ZNF667: variants seen among roughly 807,000 people sequenced by gnomAD.
ZNF667 encodes myocardial ischemic preconditioning upregulated 1 ortholog.
A neutral mutation model predicts 31.8 loss-of-function variants in ZNF667; 13 were observed. The ratio of observed to expected loss-of-function variants is 0.41; its 90% confidence interval spans 0.27 to 0.65. The LOEUF is 0.65. Ranked by LOEUF, ZNF667 falls within the 30% of genes least tolerant of loss-of-function variation. The probability of loss-of-function intolerance (pLI) is 0.32; values close to 1 mark genes in which losing one functional copy is unlikely to be tolerated. For synonymous variants in ZNF667, 228 were observed against 247.1 expected (o/e 0.92, Z 0.73); for missense variants, 642 against 725.6 (o/e 0.88, Z 1.32).
intron 6 of ZNF667, among the ~76,000 whole-genome samples, chr19:56,457,145 A>C (rs984678552): frequency 6.6e-6 from 1 of 152,174 alleles, no homozygotes; most frequent in African/African-American, 2.4e-5. Context: ...AAAATATATA[A>C]CTTGGCCAAC....
chr19:56,451,302 A>G (rs1441967187), intron 6 of ZNF667, among the ~76,000 whole-genome samples: 1 of 152,160 alleles, frequency 6.6e-6, no homozygotes, highest in Non-Finnish European at 1.5e-5. Flanking sequence ...CACACCCAAC[A>G]ATGGAGCACC....
chr19:56,462,030 T>C (rs562045660), intron 4 of ZNF667, among the ~76,000 whole-genome samples: 26 of 152,344 alleles, frequency 1.7e-4, no homozygotes, highest in African/African-American at 6.0e-4. Flanking sequence ...GTGGCTCTCA[T>C]CTTCCTCCAC....
intron 4 of ZNF667, 109 bp downstream of exon 4, chr19:56,462,229 G>T: frequency 7.2e-7 from 1 of 1,390,906 alleles, no homozygotes; most frequent in Non-Finnish European, 1.0e-6. Context: ...AAGACTAGGT[G>T]TTGGATGGAT....
upstream of ZNF667, chr19:56,477,427 C>G (rs532735445): frequency 2.6e-5 from 4 of 152,262 alleles, no homozygotes; most frequent in South Asian, 6.2e-4. Context: ...CGCCCCCAAA[C>G]AAGGCCACGC....
At chr19:56,467,328 T>C (rs2043185134) in intron 3 of ZNF667, among the ~76,000 whole-genome samples, 2 of 152,120 alleles carry the variant, frequency 1.3e-5, no homozygotes, top group Admixed American at 1.3e-4. Context: ...AAAAGGAACT[T>C]TGCAGATGTG....
chr19:56,473,925 A>G (rs2043346875), intron 2 of ZNF667, 87 bp downstream of exon 2: 1 of 152,332 alleles, frequency 6.6e-6, no homozygotes, highest in East Asian at 1.9e-4. Flanking sequence ...GAAAAATCCA[A>G]AACCCGCTTT....
intron 3 of ZNF667, chr19:56,468,805 C>T (rs1275232493): frequency 1.3e-5 from 2 of 152,180 alleles, no homozygotes; most frequent in African/African-American, 2.4e-5. Context: ...TTACAAAGGT[C>T]CTCTTTATAA....
intron 1 of ZNF667, chr19:56,474,433 C>T (rs765676940): frequency 1.3e-5 from 2 of 152,268 alleles, no homozygotes; most frequent in Admixed American, 6.5e-5. Flanking sequence ...TCTCCAAAGA[C>T]GTCAGCACAG....
chr19:56,442,779 C>T (rs2042642782), intron 6 of ZNF667, 38 bp from the exon 7 acceptor site: 2 of 1,487,184 alleles, frequency 1.3e-6, no homozygotes, highest in African/African-American at 2.8e-5. Context: ...TCTCCTTTTC[C>T]ATGCTGAAAA....
At chr19:56,469,981 TC>T (rs2043253040) in intron 3 of ZNF667, 1 of 477,242 alleles carries the variant, frequency 2.1e-6, no homozygotes, top group Non-Finnish European at 4.2e-6. Flanking sequence ...GGAAACACAT[TC>T]CATTGTGAGC....
intron 6 of ZNF667, among the ~76,000 whole-genome samples, chr19:56,447,443 C>G (rs948013216): frequency 1.3e-5 from 2 of 152,246 alleles, no homozygotes; most frequent in African/African-American, 4.8e-5. Context: ...GATATCCAGT[C>G]TATCCACAAG....
intron 6 of ZNF667, among the ~76,000 whole-genome samples, chr19:56,452,435 T>C (rs560820524): frequency 1.3e-5 from 2 of 152,022 alleles, no homozygotes; most frequent in African/African-American, 2.4e-5. Flanking sequence ...CTGCAACCTA[T>C]GGGATACAGC....
At chr19:56,469,435 CCA>C (rs1041294691) in intron 3 of ZNF667, among the ~76,000 whole-genome samples, 12 of 152,190 alleles carry the variant, frequency 7.9e-5, no homozygotes, top group African/African-American at 2.9e-4. Flanking sequence ...CCTCTCTGTG[CCA>C]CAGTTTCCTC....
intron 3 of ZNF667, chr19:56,467,987 C>T (rs1418416116): frequency 6.6e-6 from 1 of 152,232 alleles, no homozygotes; most frequent in African/African-American, 2.4e-5. Flanking sequence ...CTCCCCTCCC[C>T]AGAGGTTGAA....
chr19:56,462,199 A>G, intron 4 of ZNF667, 139 bp downstream of exon 4: 1 of 1,080,800 alleles, frequency 9.3e-7, no homozygotes, highest in East Asian at 2.4e-5. Flanking sequence ...CTCATCCCTC[A>G]TGGCAACGGG....
At chr19:56,471,109 G>C (rs550163912) in intron 3 of ZNF667, among the ~76,000 whole-genome samples, 1 of 151,958 alleles carries the variant, frequency 6.6e-6, no homozygotes, top group East Asian at 1.9e-4. Context: ...TGCTGTTCCC[G>C]TGATAAGAGT....
chr19:56,455,260 G>C (rs922529049), intron 6 of ZNF667, among the ~76,000 whole-genome samples: 2 of 152,102 alleles, frequency 1.3e-5, no homozygotes, highest in Non-Finnish European at 2.9e-5. Flanking sequence ...AACAGTATGG[G>C]GGGGTTCCTC....
chr19:56,447,165 A>G (rs1467281355), intron 6 of ZNF667, among the ~76,000 whole-genome samples: 1 of 152,206 alleles, frequency 6.6e-6, no homozygotes, highest in Non-Finnish European at 1.5e-5. Flanking sequence ...AAACTTTCAT[A>G]TAACCAAGTA....
chr19:56,472,008 T>A lies in ZNF667; in HGVS notation c.-369A>T, dbSNP rs2043302140. On this transcript the variant is annotated 5_prime_UTR_variant, in exon 3 of 7. Coordinates refer to ENST00000504904, the MANE Select transcript of ZNF667 (RefSeq NM_001321356.2). ...AGTAAGTCTCATGTGATCTGATGGT[T>A]CTGTACAGGGACTCTCATTCTCCCT... is the stretch of plus-strand genomic sequence containing the variant. 6.6e-6 allele frequency: 1 copy of A among 152,204 alleles called. No individual in the cohort carries two copies. The highest frequency in any genetic ancestry group is 1.5e-5 in the Non-Finnish European group (1 of 68,038). The allele number at this position is 152,204 out of a possible 1,614,324, so 9.4% of individuals were successfully genotyped here. A position where few individuals can be genotyped will look rare whatever the true frequency, so the allele number is the denominator to read the frequency against.
Sources: gnomAD v4.1 joint callset for allele counts (sites outside exome capture counted in the v4.1 genomes callset) on GRCh38, gnomAD v4.1.1 for gene constraint, MANE v1.5 for transcripts, NCBI Gene and HGNC (gene_info 2026-07-23, HGNC 2026-07-21) for gene names.